AGAP1: variants seen among roughly 807,000 people sequenced by gnomAD.
AGAP1 encodes arf-GAP with GTPase, ANK repeat and PH domain-containing protein 1.
Under a neutral mutation model 105.3 loss-of-function variants are expected in AGAP1, and 29 were observed. That is an observed-to-expected ratio of 0.28 (90% confidence interval 0.21 to 0.38). The LOEUF (loss-of-function observed/expected upper bound fraction) is 0.38. Ranked by LOEUF, AGAP1 falls within the 10% of genes least tolerant of loss-of-function variation. The pLI, the probability that AGAP1 is intolerant of heterozygous loss-of-function variation, is 1.00. For synonymous variants in AGAP1, 509 were observed against 485.9 expected (o/e 1.05, Z -0.63); for missense variants, 998 against 1,165.1 (o/e 0.86, Z 2.09).
intron 1 of AGAP1, among the ~76,000 whole-genome samples, chr2:235,570,527 C>T (rs570373989): frequency 6.6e-6 from 1 of 152,322 alleles, no homozygotes; most frequent in South Asian, 2.1e-4. Context: ...GGCAGCCTCC[C>T]GTTCCTGTCT....
At chr2:235,774,081 T>G in intron 6 of AGAP1, 1 of 432,920 alleles carries the variant, frequency 2.3e-6, no homozygotes, top group South Asian at 1.7e-5. Flanking sequence ...AATCTCAGAT[T>G]GTTTTACTGC....
At chr2:235,674,109 T>C (rs987802834) in intron 1 of AGAP1, among the ~76,000 whole-genome samples, 33 of 152,228 alleles carry the variant, frequency 2.2e-4, no homozygotes, top group Non-Finnish European at 1.8e-4. Flanking sequence ...TCTCTTGTAC[T>C]GTCTGGTCCT....
At position 235,721,951 on chromosome 2, in the gene AGAP1, A is replaced by G. The variant is rs1337139177; in HGVS notation, c.310+4307A>G. Among the ~76,000 whole-genome samples, 2 of 152,156 alleles carry G rather than the reference A, an allele frequency of 1.3e-5. No individual in the cohort carries two copies. Among genetic ancestry groups the G allele is most frequent in the Non-Finnish European group, 2.9e-5 (2 of 68,022 alleles). On this transcript the variant is annotated intron_variant, in intron 3 of 17. Transcript: ENST00000304032. The surrounding 1 kb of genome is among the most constrained non-coding windows in gnomAD (Gnocchi z 4.5). ...TGTGATGCATTTTGGTTGATATTTT[A>G]TTGTTACAGTGAAGAGAGCCAACTC...
At chr2:235,651,147 T>C (rs1328183065) in intron 1 of AGAP1, among the ~76,000 whole-genome samples, 4 of 126,248 alleles carry the variant, frequency 3.2e-5, no homozygotes, top group South Asian at 2.8e-4. Context: ...TGCCAGCCAG[T>C]GCGCTCCAGC....
At chr2:235,937,027 A>G (rs1378779205) in intron 12 of AGAP1, among the ~76,000 whole-genome samples, 6 of 152,142 alleles carry the variant, frequency 3.9e-5, no homozygotes, top group African/African-American at 1.4e-4. Context: ...TTTCAAGGAA[A>G]TATGTTCTAA....
chr2:235,949,982 A>T (rs2053665229), intron 12 of AGAP1, among the ~76,000 whole-genome samples: 1 of 152,232 alleles, frequency 6.6e-6, no homozygotes, highest in Non-Finnish European at 1.5e-5. Flanking sequence ...TTCTGTAGCC[A>T]GCGCTGGGAA....
intron 6 of AGAP1, chr2:235,773,829 C>A (rs544238463): frequency 1.2e-5 from 5 of 426,362 alleles, no homozygotes; most frequent in African/African-American, 6.3e-5. Flanking sequence ...CCTTTACTGT[C>A]CTTGCACCAA....
In AGAP1 at chr2:235,678,066, C is replaced by T. The variant is rs943582170; in HGVS notation, c.164-31113C>T. ...TAAGTGCTGCCGCCTCAGGAGCGGG[C>T]GCAGTCGCTTATGGTGCCGGTGAGC... On this transcript the variant is annotated intron_variant, in intron 1 of 17. Coordinates refer to ENST00000304032, the MANE Select transcript of AGAP1 (RefSeq NM_001037131.3). 5.9e-5 allele frequency among the ~76,000 whole-genome samples: 9 copies of T among 151,934 alleles called. No individual in the cohort carries two copies. The East Asian group carries it at 1.2e-3, about 20-fold the overall frequency.
chr2:235,939,040 T>C (rs1453319432), intron 12 of AGAP1, among the ~76,000 whole-genome samples: 1 of 152,122 alleles, frequency 6.6e-6, no homozygotes, highest in Non-Finnish European at 1.5e-5. Context: ...CTGAATGATG[T>C]GTGTGAATGG....
In AGAP1 at chr2:236,036,457, A is replaced by G; in HGVS notation, c.1646-104A>G. 1 of 1,470,734 alleles carries G rather than the reference A, an allele frequency of 6.8e-7. No homozygotes were observed. Among genetic ancestry groups the G allele is most frequent in the South Asian group, 1.3e-5 (1 of 77,218 alleles). The allele number at this position is 1,470,734 out of a possible 1,614,324, so 91.1% of individuals were successfully genotyped here. A position where few individuals can be genotyped will look rare whatever the true frequency, so the allele number is the denominator to read the frequency against. ...CCAGTGCCGTGCGCCTCACCGGTCC[A>G]TGCAGGGGCAGCTGAACCCAGAGGC... On this transcript the variant is annotated intron_variant, in intron 13 of 17. Transcript: ENST00000304032. This position sits in a 1 kb window ranked among gnomAD's most constrained non-coding sequence, Gnocchi z 5.7.
At chr2:235,706,108 C>T (rs777453350) in intron 1 of AGAP1, among the ~76,000 whole-genome samples, 23 of 152,230 alleles carry the variant, frequency 1.5e-4, no homozygotes, top group Non-Finnish European at 3.4e-4. Flanking sequence ...TCACCCTTGA[C>T]TTCAGCCATC....
At position 235,747,369 on chromosome 2, in the gene AGAP1, A is replaced by G. The variant is rs1187663502; in HGVS notation, c.538+2530A>G. 6.6e-6 allele frequency among the ~76,000 whole-genome samples: 1 copy of G among 152,126 alleles called. No homozygotes were observed. The highest frequency in any genetic ancestry group is 1.5e-5 in the Non-Finnish European group (1 of 68,012). ...GATCGGATGTGGAAAGATGCCCAGGAAGGCCCCAGGGGAGTGTGTGCGTGT... is the reference window on the plus strand; with the variant it reads ...GATCGGATGTGGAAAGATGCCCAGGGAGGCCCCAGGGGAGTGTGTGCGTGT... On this transcript the variant is annotated intron_variant, in intron 5 of 17. Transcript: ENST00000304032. The surrounding 1 kb of genome is among the most constrained non-coding windows in gnomAD (Gnocchi z 5.0).
At chr2:235,588,509 C>T (rs1451512982) in intron 1 of AGAP1, among the ~76,000 whole-genome samples, 1 of 152,086 alleles carries the variant, frequency 6.6e-6, no homozygotes, top group Non-Finnish European at 1.5e-5. Context: ...CATATCTGGC[C>T]TCTCACACTT....
At chr2:235,954,948 G>A (rs910983466) in intron 12 of AGAP1, among the ~76,000 whole-genome samples, 6 of 152,140 alleles carry the variant, frequency 3.9e-5, no homozygotes, top group Admixed American at 1.3e-4. Context: ...GGGCCACATG[G>A]CACTGCCTCC....
chr2:235,776,941 C>T (rs1955919050), intron 6 of AGAP1: 2 of 471,176 alleles, frequency 4.2e-6, no homozygotes, highest in Admixed American at 2.3e-5. Flanking sequence ...GCAGGAAAAG[C>T]TGGGGCCGTG....
In AGAP1 at chr2:235,584,193, C is replaced by CTTTTTTT. The variant is rs11447483; in HGVS notation, c.163+89354_163+89360dup. On this transcript the variant is annotated intron_variant, in intron 1 of 17. Transcript: ENST00000304032. ...TTGAAGCATGACCCTCAATAAACCACTTTTTTTTTTTTTTTTGCATGGAAA... is the reference window on the plus strand; with the variant it reads ...TTGAAGCATGACCCTCAATAAACCACTTTTTTTTTTTTTTTTTTTTTTTGCATGGAAA... Among the ~76,000 whole-genome samples the CTTTTTTT allele has an allele frequency of 1.4e-4, 20 of 139,986 alleles. 5 individuals carry two copies. Among genetic ancestry groups the CTTTTTTT allele is most frequent in the Non-Finnish European group, 1.7e-4 (11 of 64,934 alleles). The allele number at this position is 139,986 out of a possible 152,430, so 91.8% of individuals were successfully genotyped here. A position where few individuals can be genotyped will look rare whatever the true frequency, so the allele number is the denominator to read the frequency against.
In AGAP1 at chr2:235,927,251, C is replaced by T. The variant is rs1190370152; in HGVS notation, c.1325-3514C>T. Among the ~76,000 whole-genome samples, 1 of 152,082 alleles carries T rather than the reference C, an allele frequency of 6.6e-6. No homozygotes were observed. ...GCTGGTCTGGTGTCTTCCATCTGGA[C>T]ACCAGGAGCATGTGGTCTTGCCAGG... On this transcript the variant is annotated intron_variant, in intron 11 of 17. Coordinates refer to ENST00000304032, the MANE Select transcript of AGAP1 (RefSeq NM_001037131.3). This position sits in a 1 kb window ranked among gnomAD's most constrained non-coding sequence, Gnocchi z 4.4.
rs1412450951 is a variant in AGAP1, at chr2:236,095,100, A to G, written c.2115-25092A>G. Among the ~76,000 whole-genome samples the G allele has an allele frequency of 6.6e-6, 1 of 150,946 alleles. No homozygotes were observed. Among genetic ancestry groups the G allele is most frequent in the Non-Finnish European group, 1.5e-5 (1 of 67,878 alleles). On this transcript the variant is annotated intron_variant, in intron 16 of 17. Coordinates refer to ENST00000304032, the MANE Select transcript of AGAP1 (RefSeq NM_001037131.3). This position sits in a 1 kb window ranked among gnomAD's most constrained non-coding sequence, Gnocchi z 4.1. ...GGTGAGAGTGAGACACTGTCTCAAA[A>G]AAGTTGTGGGGGCAGGGCAGGCGTG...
rs1321345971 is a variant in AGAP1 at position 235,994,274 on chromosome 2, T to A, written c.1645+25651T>A. Among the ~76,000 whole-genome samples, 4 of 152,224 alleles carry A rather than the reference T, an allele frequency of 2.6e-5. No homozygotes were observed. Among genetic ancestry groups the A allele is most frequent in the Non-Finnish European group, 5.9e-5 (4 of 68,036 alleles). On this transcript the variant is annotated intron_variant, in intron 13 of 17. Transcript: ENST00000304032. The surrounding 1 kb of genome is among the most constrained non-coding windows in gnomAD (Gnocchi z 4.4). The stretch of plus-strand genomic sequence containing the variant: ...CTGTTGAAACTGGTCATAGTTAGCA[T>A]TTCTCCATGTCTGTGCTTTTATGCC...
Sources: gnomAD v4.1 joint callset for allele counts (sites outside exome capture counted in the v4.1 genomes callset) on GRCh38, gnomAD v4.1.1 for gene constraint, Gnocchi (gnomAD v3.1) non-coding constraint, MANE v1.5 for transcripts, NCBI Gene and HGNC (gene_info 2026-07-23, HGNC 2026-07-21) for gene names.